CAMKMT: variants seen among roughly 807,000 people sequenced by gnomAD.
CAMKMT encodes calmodulin-lysine N-methyltransferase, also known as CaM KMT.
CAMKMT carries 53 observed loss-of-function variants against 48.0 expected under a neutral mutation model. The observed-to-expected ratio is 1.10, with a 90% CI of 0.89 to 1.39. The LOEUF (loss-of-function observed/expected upper bound fraction) is 1.39. Ranked by LOEUF, CAMKMT falls within the 40% of genes most tolerant of loss-of-function variation. The probability of loss-of-function intolerance (pLI) is 0.00; values close to 1 mark genes in which losing one functional copy is unlikely to be tolerated. For missense variants in CAMKMT, 428 were observed against 402.7 expected (o/e 1.06, Z -0.54); for synonymous variants, 165 against 152.3 (o/e 1.08, Z -0.61).
In CAMKMT at chr2:44,428,555, C is replaced by T. The variant is rs572382832; in HGVS notation, c.376+38250C>T. Among the ~76,000 whole-genome samples the T allele has an allele frequency of 1.1e-4, 16 of 152,328 alleles. No homozygotes were observed. The East Asian group carries it at 1.5e-3, about 15-fold the overall frequency. On this transcript the variant is annotated intron_variant, in intron 3 of 10. Coordinates refer to ENST00000378494, the MANE Select transcript of CAMKMT (RefSeq NM_024766.5). ...TCGAGGGTGGAACCCTCGCCAGGGA[C>T]CCCACCCTTTTCTACTCAGTATTTC...
intron 3 of CAMKMT, among the ~76,000 whole-genome samples, chr2:44,566,850 G>A (rs1668643104): frequency 1.3e-5 from 2 of 152,304 alleles, no homozygotes; most frequent in South Asian, 4.2e-4. Context: ...CATTTCAGTT[G>A]ACACAGTCTC....
intron 3 of CAMKMT, among the ~76,000 whole-genome samples, chr2:44,422,671 T>C (rs1684008938): frequency 6.6e-6 from 1 of 152,214 alleles, no homozygotes; most frequent in African/African-American, 2.4e-5. Context: ...CCAAATATAT[T>C]GGTCATTAGT....
intron 7 of CAMKMT, among the ~76,000 whole-genome samples, chr2:44,736,734 A>G (rs1042040448): frequency 6.6e-6 from 1 of 151,948 alleles, no homozygotes; most frequent in Non-Finnish European, 1.5e-5. Context: ...AGTTTCTATC[A>G]CTATGTTTTC....
chr2:44,447,038 G>T (rs1667041318), intron 3 of CAMKMT, among the ~76,000 whole-genome samples: 1 of 152,042 alleles, frequency 6.6e-6, no homozygotes, highest in Non-Finnish European at 1.5e-5. Flanking sequence ...ACAAAATTTT[G>T]GTACATTGGA....
intron 3 of CAMKMT, among the ~76,000 whole-genome samples, chr2:44,458,014 C>A (rs786419): frequency 0.59 from 86,505 of 147,354 alleles, 26,542 homozygotes; most frequent in Admixed American, 0.68. Context: ...AGACACAGAT[C>A]TAGCATTAGG....
chr2:44,628,350 A>G (rs371672219), intron 3 of CAMKMT, among the ~76,000 whole-genome samples: 1 of 151,624 alleles, frequency 6.6e-6, no homozygotes, highest in African/African-American at 2.4e-5. Flanking sequence ...TTTTTGTTTC[A>G]TTGTTTTTCT....
At chr2:44,585,854 A>G (rs1209318639) in intron 3 of CAMKMT, among the ~76,000 whole-genome samples, 1 of 152,232 alleles carries the variant, frequency 6.6e-6, no homozygotes, top group Non-Finnish European at 1.5e-5. Context: ...TATTATTTAT[A>G]AACAATGCAT....
chr2:44,606,401 G>A (rs1363405453), intron 3 of CAMKMT, among the ~76,000 whole-genome samples: 7 of 152,060 alleles, frequency 4.6e-5, no homozygotes, highest in Admixed American at 2.6e-4. Flanking sequence ...AGAGTCAAAG[G>A]TCTTTTAGAC....
intron 3 of CAMKMT, among the ~76,000 whole-genome samples, chr2:44,676,382 T>C (rs1389206717): frequency 6.6e-6 from 1 of 152,240 alleles, no homozygotes; most frequent in Non-Finnish European, 1.5e-5. Context: ...TTCAATTCAC[T>C]ATGTATAAAA....
intron 3 of CAMKMT, among the ~76,000 whole-genome samples, chr2:44,467,527 G>A (rs544228319): frequency 4.2e-5 from 6 of 144,060 alleles, no homozygotes; most frequent in Admixed American, 7.1e-5. Context: ...TGACAAGAGC[G>A]AAACTCTGTC....
intron 3 of CAMKMT, among the ~76,000 whole-genome samples, chr2:44,643,417 T>C (rs1264783436): frequency 6.6e-6 from 1 of 152,112 alleles, no homozygotes; most frequent in African/African-American, 2.4e-5. Context: ...TCCAAATGAA[T>C]GGAATATTGT....
intron 3 of CAMKMT, among the ~76,000 whole-genome samples, chr2:44,419,677 G>C (rs1683796600): frequency 6.6e-6 from 1 of 152,192 alleles, no homozygotes; most frequent in South Asian, 2.1e-4. Context: ...CTGGGCTCAA[G>C]TAATCTTTCT....
chr2:44,593,106 T>G (rs1409293800), intron 3 of CAMKMT, among the ~76,000 whole-genome samples: 1 of 152,226 alleles, frequency 6.6e-6, no homozygotes, highest in Non-Finnish European at 1.5e-5. Context: ...TTTCAGATCT[T>G]GCTTTTAAGA....
At position 44,512,226 on chromosome 2, in the gene CAMKMT, A is replaced by G. The variant is rs527440950; in HGVS notation, c.376+121921A>G. ...TACACAAGACAAAAAAGGGGCAAAA[A>G]GTTACTAGCTCCTCCCCTTAGCCAA... On this transcript the variant is annotated intron_variant, in intron 3 of 10. Transcript: ENST00000378494. Among the ~76,000 whole-genome samples, 113 of 152,312 alleles carry G rather than the reference A, an allele frequency of 7.4e-4. 1 individual carries two copies. The highest frequency in any genetic ancestry group is 2.6e-3 in the African/African-American group (108 of 41,580).
chr2:44,649,765 C>T (rs1323424813), intron 3 of CAMKMT, among the ~76,000 whole-genome samples: 3 of 152,204 alleles, frequency 2.0e-5, no homozygotes, highest in Admixed American at 1.3e-4. Context: ...TTCCTGCTCT[C>T]CTGTCCTTAC....
chr2:44,432,826 TA>T (rs35216897), intron 3 of CAMKMT, among the ~76,000 whole-genome samples: 113,085 of 147,630 alleles, frequency 0.77, 43,322 homozygotes, highest in South Asian at 0.87. Context: ...TCATGTAAAT[TA>T]AAAAAAAAAA....
chr2:44,470,212 C>G (rs1317865586), intron 3 of CAMKMT, among the ~76,000 whole-genome samples: 1 of 152,108 alleles, frequency 6.6e-6, no homozygotes, highest in East Asian at 1.9e-4. Context: ...CTAACATTCT[C>G]AATTCTGTTT....
At chr2:44,390,445 C>T in intron 3 of CAMKMT, 140 bp downstream of exon 3, 1 of 478,324 alleles carries the variant, frequency 2.1e-6, no homozygotes, top group Non-Finnish European at 3.4e-6. Context: ...GTTTGACTGT[C>T]TTTAGCTGCA....
chr2:44,757,357 G>A (rs528855165), intron 9 of CAMKMT, among the ~76,000 whole-genome samples: 21 of 152,158 alleles, frequency 1.4e-4, no homozygotes, highest in Non-Finnish European at 2.4e-4. Flanking sequence ...CATTCTCCTC[G>A]CAGAGAGAAG....
Sources: gnomAD v4.1 joint callset for allele counts (sites outside exome capture counted in the v4.1 genomes callset) on GRCh38, gnomAD v4.1.1 for gene constraint, MANE v1.5 for transcripts, NCBI Gene and HGNC (gene_info 2026-07-23, HGNC 2026-07-21) for gene names.